RTN1: variants seen among roughly 807,000 people sequenced by gnomAD.
RTN1 encodes the protein reticulon-1.
RTN1 carries 25 observed loss-of-function variants against 65.5 expected under a neutral mutation model. The ratio of observed to expected loss-of-function variants is 0.38; its 90% CI spans 0.28 to 0.53. RTN1 has a LOEUF of 0.53. Among genes scored for constraint, RTN1 ranks in the 20% least tolerant of loss-of-function variants. The pLI, the probability that RTN1 is intolerant of heterozygous loss-of-function variation, is 0.79. For synonymous variants in RTN1, 471 were observed against 447.6 expected (o/e 1.05, Z -0.66); for missense variants, 983 against 1,025.4 (o/e 0.96, Z 0.57).
chr14:59,838,738 T>C lies in RTN1; in HGVS notation c.241+31652A>G, dbSNP rs1192694821. The stretch of plus-strand genomic sequence containing the variant: ...ATCTACTGAAGTTCTCCAGGGTACA[T>C]AACTGTAGGCAACACAACCATAAGA... On this transcript the variant is annotated intron_variant, in intron 1 of 8. Transcript: ENST00000267484. 7.9e-5 allele frequency among the ~76,000 whole-genome samples: 12 copies of C among 152,220 alleles called. No homozygotes were observed. The East Asian group carries it at 2.1e-3, about 27-fold the overall frequency.
In RTN1 at chr14:59,794,735, G is replaced by T. The variant is rs1169078613; in HGVS notation, c.242-48254C>A. ...TGAGAGAAAGGAAAAAGAAAGGAAA[G>T]AACATACCCTTTTCTTTTCAGGGAA... On this transcript the variant is annotated intron_variant, in intron 1 of 8. Transcript: ENST00000267484. This position sits in a 1 kb window ranked among gnomAD's most constrained non-coding sequence, Gnocchi z 5.1. Among the ~76,000 whole-genome samples, 2 of 152,086 alleles carry T rather than the reference G, an allele frequency of 1.3e-5. No individual in the cohort carries two copies. The highest frequency in any genetic ancestry group is 2.9e-5 in the Non-Finnish European group (2 of 68,016).
intron 3 of RTN1, among the ~76,000 whole-genome samples, chr14:59,694,189 CTT>C (rs1884016839): frequency 6.6e-6 from 1 of 152,158 alleles, no homozygotes; most frequent in African/African-American, 2.4e-5. Flanking sequence ...TCATTCATGA[CTT>C]TGTTTTCTAA....
intron 3 of RTN1, among the ~76,000 whole-genome samples, chr14:59,692,288 C>T (rs759575093): frequency 3.3e-5 from 5 of 152,052 alleles, no homozygotes; most frequent in Non-Finnish European, 7.4e-5. Context: ...ACATCAATAA[C>T]ATTCAAGCTG....
At chr14:59,725,481 C>T (rs1238494030) in intron 3 of RTN1, among the ~76,000 whole-genome samples, 1 of 152,136 alleles carries the variant, frequency 6.6e-6, no homozygotes, top group East Asian at 1.9e-4. Context: ...CAAGCTGCAG[C>T]GTCTTTTCTT....
intron 1 of RTN1, among the ~76,000 whole-genome samples, chr14:59,750,123 AT>A (rs1885425505): frequency 2.4e-5 from 2 of 82,056 alleles, no homozygotes; most frequent in Non-Finnish European, 4.2e-5. Context: ...TATAATATAT[AT>A]TATCTATAAT....
chr14:59,864,377 T>G (rs765724374), intron 1 of RTN1, among the ~76,000 whole-genome samples: 2 of 152,176 alleles, frequency 1.3e-5, no homozygotes, highest in Non-Finnish European at 2.9e-5. Context: ...AAGACTGTTG[T>G]GTCACTTCCT....
At chr14:59,720,071 G>C (rs1222919675) in intron 3 of RTN1, among the ~76,000 whole-genome samples, 1 of 152,114 alleles carries the variant, frequency 6.6e-6, no homozygotes, top group Non-Finnish European at 1.5e-5. Context: ...GTGTCCCAAA[G>C]ATTTGGTATT....
At chr14:59,651,694 C>T (rs993877601) in intron 3 of RTN1, among the ~76,000 whole-genome samples, 4 of 151,984 alleles carry the variant, frequency 2.6e-5, no homozygotes, top group African/African-American at 9.7e-5. Flanking sequence ...GCCGAGATTG[C>T]ACCACTGTAC....
In RTN1 at chr14:59,774,250, T is replaced by C. The variant is rs1479653777; in HGVS notation, c.242-27769A>G. Among the ~76,000 whole-genome samples, 1 of 152,196 alleles carries C rather than the reference T, an allele frequency of 6.6e-6. No homozygotes were observed. Among genetic ancestry groups the C allele is most frequent in the African/African-American group, 2.4e-5 (1 of 41,464 alleles). On this transcript the variant is annotated intron_variant, in intron 1 of 8. Coordinates refer to ENST00000267484, the MANE Select transcript of RTN1 (RefSeq NM_021136.3). The surrounding 1 kb of genome is among the most constrained non-coding windows in gnomAD (Gnocchi z 5.1). ...TGTGAATCTCTTACTAAACTGACTG[T>C]TTAACATGCTGAGTTTTTGTCCCCA... is the stretch of plus-strand genomic sequence containing the variant.
In RTN1 at chr14:59,746,144, G is replaced by T. The variant is rs1419151197; in HGVS notation, c.579C>A (p.Ala193=). 6.2e-7 allele frequency: 1 copy of T among 1,608,540 alleles called. No homozygotes were observed. Among genetic ancestry groups the T allele is most frequent in the Non-Finnish European group, 8.5e-7 (1 of 1,178,110 alleles). ...ADPLDQMKAE[A]YKYIDITRPE... ...GTCTGGTTATGTCAATGTATTTATAGGCCTCTGCTTTCATCTGGTCCAGAG... is the reference window on the plus strand; with the variant it reads ...GTCTGGTTATGTCAATGTATTTATATGCCTCTGCTTTCATCTGGTCCAGAG... The change falls in exon 2 of 9, where the codon GCC becomes GCA. Residue 193 remains alanine, a synonymous_variant. Coordinates refer to ENST00000267484, the MANE Select transcript of RTN1 (RefSeq NM_021136.3).
intron 2 of RTN1, among the ~76,000 whole-genome samples, chr14:59,743,579 G>A (rs148014596): frequency 1.1e-3 from 162 of 152,302 alleles, no homozygotes; most frequent in African/African-American, 3.7e-3. Context: ...GGGGCAAGAC[G>A]TATCTAATCC....
intron 1 of RTN1, among the ~76,000 whole-genome samples, chr14:59,805,337 C>A (rs2139605769): frequency 6.6e-6 from 1 of 152,306 alleles, no homozygotes; most frequent in South Asian, 2.1e-4. Flanking sequence ...CACTGCTCTA[C>A]CATTGAATTC....
intron 1 of RTN1, among the ~76,000 whole-genome samples, chr14:59,819,663 G>A (rs1358709772): frequency 6.6e-6 from 1 of 152,022 alleles, no homozygotes; most frequent in Admixed American, 6.5e-5. Context: ...GGCGCCCGTC[G>A]GGGAGGCTGG....
intron 3 of RTN1, among the ~76,000 whole-genome samples, chr14:59,610,979 A>G (rs1283161717): frequency 6.6e-6 from 1 of 152,150 alleles, no homozygotes; most frequent in African/African-American, 2.4e-5. Flanking sequence ...TTCATCTCTG[A>G]CCAATCAGCA....
At chr14:59,705,142 A>G (rs987376627) in intron 3 of RTN1, among the ~76,000 whole-genome samples, 1 of 152,060 alleles carries the variant, frequency 6.6e-6, no homozygotes, top group Non-Finnish European at 1.5e-5. Flanking sequence ...CTATTCCCAA[A>G]CTCAATTTTA....
intron 1 of RTN1, among the ~76,000 whole-genome samples, chr14:59,753,652 T>C (rs1267494602): frequency 1.3e-5 from 2 of 152,216 alleles, no homozygotes; most frequent in Admixed American, 1.3e-4. Context: ...CAGAGTCCTG[T>C]GGGGATTGTT....
At chr14:59,657,408 CAACAAAACAA>C (rs536719398) in intron 3 of RTN1, among the ~76,000 whole-genome samples, 1 of 151,972 alleles carries the variant, frequency 6.6e-6, no homozygotes, top group Non-Finnish European at 1.5e-5. Context: ...GACTCTGTCT[CAACAAAACAA>C]AACAAAACAA....
At chr14:59,701,456 G>C (rs1277021740) in intron 3 of RTN1, among the ~76,000 whole-genome samples, 5 of 151,958 alleles carry the variant, frequency 3.3e-5, no homozygotes, top group Non-Finnish European at 7.4e-5. Flanking sequence ...AATCAAATGT[G>C]GTATATCCAT....
At chr14:59,646,564 G>T (rs1007546607) in intron 3 of RTN1, among the ~76,000 whole-genome samples, 2 of 152,210 alleles carry the variant, frequency 1.3e-5, no homozygotes, top group South Asian at 4.2e-4. Context: ...TAGAGAGAAA[G>T]GGAACCCCAT....
Sources: allele counts gnomAD v4.1 joint callset (sites outside exome capture counted in the v4.1 genomes callset), GRCh38; gene constraint gnomAD v4.1.1; non-coding constraint Gnocchi (gnomAD v3.1); transcripts MANE v1.5; gene names NCBI Gene and HGNC (gene_info 2026-07-23, HGNC 2026-07-21).